The following DOCK10 variants were observed in gnomAD, a reference collection of about 807,000 sequenced individuals.
The protein encoded by DOCK10 is dedicator of cytokinesis protein 10.
In DOCK10, 145 loss-of-function variants were observed where a neutral mutation model predicts 280.1. That is an observed-to-expected ratio of 0.52 (90% CI 0.45 to 0.59). DOCK10 has a LOEUF of 0.59. DOCK10 is among the 20% of genes least tolerant of loss of function. The pLI, the probability that DOCK10 is intolerant of heterozygous loss-of-function variation, is 0.00. For synonymous variants in DOCK10, 915 were observed against 942.2 expected, an observed-to-expected ratio of 0.97 and a Z score of 0.53; for missense variants, 2,368 against 2,651.7, an observed-to-expected ratio of 0.89 and a Z score of 2.35.
chr2:224,895,830 TGC>T (rs375904373), intron 4 of DOCK10, among the ~76,000 whole-genome samples: 44,629 of 135,142 alleles, frequency 0.33, 7,138 homozygotes, highest in African/African-American at 0.46. Context: ...TGTGTGTGTG[TGC>T]GTGTGTGTGT....
intron 1 of DOCK10, among the ~76,000 whole-genome samples, chr2:224,987,969 C>T (rs10166243): frequency 0.029 from 4,342 of 152,250 alleles, 207 homozygotes; most frequent in African/African-American, 0.097. Flanking sequence ...TCAATAGTAT[C>T]TGCGGTAAAA....
chr2:224,808,300 C>T (rs1045903525), intron 31 of DOCK10, among the ~76,000 whole-genome samples: 6 of 152,114 alleles, frequency 3.9e-5, no homozygotes, highest in Non-Finnish European at 7.3e-5. Flanking sequence ...CAGGTACAAA[C>T]TAACACACAA....
In DOCK10 at chr2:224,974,809, T is replaced by TTA. The variant is rs997334735; in HGVS notation, c.124-43143_124-43142dup. 3.8e-5 allele frequency among the ~76,000 whole-genome samples: 5 copies of TTA among 132,700 alleles called. No individual in the cohort carries two copies. The East Asian group carries it at 6.1e-4, about 16-fold the overall frequency. The allele number at this position is 132,700 out of a possible 152,430, so 87.1% of individuals were successfully genotyped here. A position where few individuals can be genotyped will look rare whatever the true frequency, so the allele number is the denominator to read the frequency against. ...GTTCTCTCTATATATATCATATATA[T>TTA]TATATATATAATATATATATATTAT... is the stretch of plus-strand genomic sequence containing the variant. On this transcript the variant is annotated intron_variant, in intron 1 of 55. Transcript: ENST00000258390.
chr2:224,814,428 C>A (rs1693989792), intron 30 of DOCK10, 64 bp from the exon 31 acceptor site: 2 of 862,738 alleles, frequency 2.3e-6, no homozygotes, highest in Admixed American at 3.1e-5. Flanking sequence ...CATATGTATT[C>A]ATTATGTGTA....
At chr2:224,892,427 G>GAAAGAAAGAAAAGA (rs1699745040) in intron 4 of DOCK10, among the ~76,000 whole-genome samples, 9 of 93,992 alleles carry the variant, frequency 9.6e-5, no homozygotes, top group African/African-American at 5.5e-4. Flanking sequence ...AAAAAAGAAA[G>GAAAGAAAGAAAAGA]AAAGAAAAGA....
At chr2:224,848,678 G>A (rs1381621873) in intron 19 of DOCK10, among the ~76,000 whole-genome samples, 1 of 152,194 alleles carries the variant, frequency 6.6e-6, no homozygotes, top group Non-Finnish European at 1.5e-5. Flanking sequence ...CTTGAGGCTT[G>A]GCACACAGCA....
At chr2:224,905,761 G>T (rs76932284) in intron 3 of DOCK10, among the ~76,000 whole-genome samples, 2 of 152,048 alleles carry the variant, frequency 1.3e-5, no homozygotes, top group Non-Finnish European at 2.9e-5. Flanking sequence ...TTAATTCTGA[G>T]ATATCGGTAT....
intron 1 of DOCK10, among the ~76,000 whole-genome samples, chr2:225,005,911 G>C (rs543988382): frequency 1.3e-5 from 2 of 152,292 alleles, no homozygotes; most frequent in African/African-American, 4.8e-5. Flanking sequence ...GATTATCCAT[G>C]TGTCTAATTT....
intron 11 of DOCK10, among the ~76,000 whole-genome samples, chr2:224,867,966 G>A (rs533289950): frequency 6.0e-4 from 92 of 152,162 alleles, no homozygotes; most frequent in Non-Finnish European, 1.1e-3. Flanking sequence ...AGTCATCTGC[G>A]GGACATCCCA....
Position 224,952,599 on chromosome 2 carries a change from T to A in DOCK10, c.124-20931A>T, listed in dbSNP as rs1293958394. Among the ~76,000 whole-genome samples, 15 of 151,570 alleles carry A rather than the reference T, an allele frequency of 9.9e-5. No individual in the cohort carries two copies. The East Asian group carries it at 1.5e-3, about 16-fold the overall frequency. ...TAAATGCTCAATTATGTTATTTTTT[T>A]TTTTTTTTTTTGAGACGGAGTCTTG... On this transcript the variant is annotated intron_variant, in intron 1 of 55. Coordinates refer to ENST00000258390, the MANE Select transcript of DOCK10 (RefSeq NM_014689.3).
intron 27 of DOCK10, among the ~76,000 whole-genome samples, chr2:224,829,931 T>C (rs982050971): frequency 6.6e-6 from 1 of 152,216 alleles, no homozygotes; most frequent in Non-Finnish European, 1.5e-5. Context: ...TTCATGAACT[T>C]GTACAATATG....
At chr2:224,814,901 T>C (rs1286539611) in intron 30 of DOCK10, among the ~76,000 whole-genome samples, 1 of 152,232 alleles carries the variant, frequency 6.6e-6, no homozygotes, top group African/African-American at 2.4e-5. Flanking sequence ...TATTTTTCTA[T>C]CAGAATTTTG....
intron 8 of DOCK10, among the ~76,000 whole-genome samples, chr2:224,875,831 G>T (rs11892755): frequency 6.6e-6 from 1 of 152,148 alleles, no homozygotes; most frequent in Non-Finnish European, 1.5e-5. Flanking sequence ...GCCTCAGATC[G>T]TTGCCAGTTG....
At chr2:224,973,452 C>T (rs914739723) in intron 1 of DOCK10, among the ~76,000 whole-genome samples, 1 of 151,846 alleles carries the variant, frequency 6.6e-6, no homozygotes, top group Non-Finnish European at 1.5e-5. Flanking sequence ...GTCGGAGAGT[C>T]GCTGGAAGAC....
At position 224,874,168 on chromosome 2, in the gene DOCK10, T is replaced by G; in HGVS notation, c.1102-17A>C. 6.3e-7 allele frequency: 1 copy of G among 1,581,402 alleles called. No homozygotes were observed. The highest frequency in any genetic ancestry group is 2.3e-5 in the East Asian group (1 of 44,306). The stretch of plus-strand genomic sequence containing the variant: ...TTTCAAGGTCTAAAAAAGTTTTGAA[T>G]GAGTCACCAAACATCCAACATAAAA... On this transcript the variant is annotated splice_polypyrimidine_tract_variant and intron_variant, in intron 10 of 55. Coordinates refer to ENST00000258390, the MANE Select transcript of DOCK10 (RefSeq NM_014689.3).
chr2:224,777,094 G>T (rs1329909018), intron 51 of DOCK10, among the ~76,000 whole-genome samples: 1 of 152,224 alleles, frequency 6.6e-6, no homozygotes, highest in Non-Finnish European at 1.5e-5. Flanking sequence ...GCATTTGATA[G>T]AGGTTGGCTA....
intron 26 of DOCK10, 137 bp downstream of exon 26, chr2:224,834,013 T>G: frequency 3.3e-6 from 2 of 611,374 alleles, no homozygotes; most frequent in Non-Finnish European, 5.9e-6. Flanking sequence ...CTTTATATGC[T>G]AAGTTTCAAT....
intron 53 of DOCK10, among the ~76,000 whole-genome samples, chr2:224,772,633 T>C (rs1690527943): frequency 6.6e-6 from 1 of 152,234 alleles, no homozygotes; most frequent in Admixed American, 6.5e-5. Flanking sequence ...CAGCCCTTTC[T>C]GGCTTTCCCA....
intron 55 of DOCK10, among the ~76,000 whole-genome samples, chr2:224,769,134 C>A (rs1690249683): frequency 6.6e-6 from 1 of 152,128 alleles, no homozygotes. Context: ...GTACTTAATT[C>A]CTGTCACCCC....
Sources: allele counts gnomAD v4.1 joint callset (sites outside exome capture counted in the v4.1 genomes callset), GRCh38; gene constraint gnomAD v4.1.1; transcripts MANE v1.5; gene names NCBI Gene and HGNC (gene_info 2026-07-23, HGNC 2026-07-21).